Variants in AK7 observed in about 807,000 individuals in gnomAD.
AK7 encodes adenylate kinase 7.
In AK7, 78 loss-of-function variants were observed where a neutral mutation model predicts 96.6. The ratio of observed to expected loss-of-function variants is 0.81; its 90% confidence interval spans 0.67 to 0.97. The LOEUF (loss-of-function observed/expected upper bound fraction) is 0.97, where lower values mean the gene tolerates loss of function less well. AK7 is among the 50% of genes least tolerant of loss of function. The pLI is 0.00. For synonymous variants in AK7, 302 were observed against 317.2 expected (o/e 0.95, Z 0.51); for missense variants, 855 against 887.9 (o/e 0.96, Z 0.47).
At chr14:96,443,732 C>G (rs993989579) in intron 7 of AK7, among the ~76,000 whole-genome samples, 1 of 151,644 alleles carries the variant, frequency 6.6e-6, no homozygotes, top group East Asian at 1.9e-4. Context: ...TACACTAACA[C>G]TAACGATAGC....
intron 4 of AK7, among the ~76,000 whole-genome samples, chr14:96,414,744 A>C (rs141709967): frequency 6.7e-6 from 1 of 149,042 alleles, no homozygotes; most frequent in East Asian, 2.0e-4. Context: ...GTTGAAGAAG[A>C]TAAGGATTCC....
intron 14 of AK7, among the ~76,000 whole-genome samples, chr14:96,475,847 C>T (rs1895145251): frequency 6.6e-6 from 1 of 152,032 alleles, no homozygotes; most frequent in Admixed American, 6.6e-5. Context: ...GGTGTGGTGG[C>T]ATGTGCCTGT....
At chr14:96,481,419 T>C (rs1438571204) in intron 15 of AK7, among the ~76,000 whole-genome samples, 3 of 152,198 alleles carry the variant, frequency 2.0e-5, no homozygotes, top group African/African-American at 4.8e-5. Context: ...CAATCTTGGC[T>C]CACTGCAACC....
chr14:96,465,320 G>A (rs551125626), intron 12 of AK7, among the ~76,000 whole-genome samples: 7 of 152,142 alleles, frequency 4.6e-5, no homozygotes, highest in Non-Finnish European at 7.4e-5. Flanking sequence ...AATATTAGCC[G>A]GGCGTGGTGG....
At chr14:96,442,299 G>A (rs1893001513) in intron 6 of AK7, among the ~76,000 whole-genome samples, 1 of 152,168 alleles carries the variant, frequency 6.6e-6, no homozygotes, top group African/African-American at 2.4e-5. Context: ...ATCCCTACTG[G>A]TGGGGGTAAT....
intron 4 of AK7, among the ~76,000 whole-genome samples, chr14:96,416,676 G>A (rs1817903639): frequency 6.6e-6 from 1 of 152,174 alleles, no homozygotes; most frequent in Admixed American, 6.5e-5. Flanking sequence ...AAAGACAAAT[G>A]ATGCAAACAG....
chr14:96,400,499 C>T (rs546285923), intron 2 of AK7, among the ~76,000 whole-genome samples: 1 of 152,310 alleles, frequency 6.6e-6, no homozygotes, highest in African/African-American at 2.4e-5. Flanking sequence ...AGCTAGTGGC[C>T]CAGAAGTGGA....
chr14:96,452,667 C>CT (rs200803046), intron 10 of AK7, among the ~76,000 whole-genome samples: 6,945 of 150,530 alleles, frequency 0.046, 273 homozygotes, highest in African/African-American at 0.11. Context: ...CTTTTCTTTT[C>CT]TTTTTTTTTG....
rs529704511 is a variant in AK7, at chr14:96,439,142, T to A, written c.690+1227T>A. On this transcript the variant is annotated intron_variant, in intron 6 of 17. Coordinates refer to ENST00000267584, the MANE Select transcript of AK7 (RefSeq NM_152327.5). ...AAGAGTTTGGTGATCATGGGGGAGG[T>A]CAGGTCTGGAGATATAATCATGGGA... Among the ~76,000 whole-genome samples, 4 of 151,532 alleles carry A rather than the reference T, an allele frequency of 2.6e-5. No homozygotes were observed. The East Asian group carries it at 5.9e-4, about 22-fold the overall frequency.
At chr14:96,420,971 T>C in intron 5 of AK7, 39 bp downstream of exon 5, 2 of 1,349,832 alleles carry the variant, frequency 1.5e-6, no homozygotes, top group East Asian at 2.3e-5. Flanking sequence ...TCATCTGAAG[T>C]CTTTAAACAT....
chr14:96,406,140 A>G (rs1595374331), intron 3 of AK7, among the ~76,000 whole-genome samples: 1 of 150,632 alleles, frequency 6.6e-6, no homozygotes, highest in Non-Finnish European at 1.5e-5. Flanking sequence ...TGCAGTCTCC[A>G]CCTCCCGGGT....
At chr14:96,442,675 G>A (rs1003607772) in intron 6 of AK7, 55 bp from the exon 7 acceptor site, 4 of 1,349,770 alleles carry the variant, frequency 3.0e-6, no homozygotes, top group Non-Finnish European at 3.2e-6. Flanking sequence ...TGTGTGAGCT[G>A]TAATAGCCAT....
At chr14:96,435,006 G>C (rs368543688) in intron 5 of AK7, among the ~76,000 whole-genome samples, 10 of 152,246 alleles carry the variant, frequency 6.6e-5, no homozygotes, top group African/African-American at 2.4e-4. Context: ...AGGAAAGTAG[G>C]CTCCCCTCTG....
chr14:96,407,798 G>C (rs1181115927), intron 3 of AK7, among the ~76,000 whole-genome samples: 1 of 151,838 alleles, frequency 6.6e-6, no homozygotes, highest in East Asian at 1.9e-4. Flanking sequence ...AGCCAGGATG[G>C]TCTTGATCTC....
In AK7 at chr14:96,459,599, T is replaced by C. The variant is rs987162805; in HGVS notation, c.1357+1387T>C. 7.2e-5 allele frequency among the ~76,000 whole-genome samples: 11 copies of C among 151,940 alleles called. 1 individual carries two copies. The highest frequency in any genetic ancestry group is 5.2e-4 in the Admixed American group (8 of 15,246). ...ATGAGGCCGGGCACGGTGGCTCATG[T>C]CTGTAATCCCTTTGTAATCCCTTTG... is the stretch of plus-strand genomic sequence containing the variant. On this transcript the variant is annotated intron_variant, in intron 12 of 17. Coordinates refer to ENST00000267584, the MANE Select transcript of AK7 (RefSeq NM_152327.5).
intron 5 of AK7, among the ~76,000 whole-genome samples, chr14:96,428,080 A>G (rs889993018): frequency 1.3e-5 from 2 of 152,098 alleles, no homozygotes; most frequent in African/African-American, 4.8e-5. Context: ...CGTCATTTAC[A>G]TTAGGTATTT....
chr14:96,398,559 G>A (rs1180100449), intron 2 of AK7: 6 of 377,550 alleles, frequency 1.6e-5, no homozygotes, highest in Non-Finnish European at 3.0e-5. Flanking sequence ...TATCCAAGAC[G>A]AGTCTGTGCC....
intron 12 of AK7, among the ~76,000 whole-genome samples, chr14:96,460,462 A>T (rs1479414360): frequency 2.0e-5 from 3 of 152,120 alleles, no homozygotes; most frequent in African/African-American, 7.2e-5. Flanking sequence ...GCCAACTCGG[A>T]TGTAAGTTGG....
chr14:96,404,170 A>AC, intron 2 of AK7, among the ~76,000 whole-genome samples: 1 of 151,136 alleles, frequency 6.6e-6, no homozygotes, highest in African/African-American at 2.4e-5. Context: ...AAAAAAAAAA[A>AC]AAACACCAAA....
Sources: gnomAD v4.1 joint callset for allele counts (sites outside exome capture counted in the v4.1 genomes callset) on GRCh38, gnomAD v4.1.1 for gene constraint, MANE v1.5 for transcripts, NCBI Gene and HGNC (gene_info 2026-07-23, HGNC 2026-07-21) for gene names.